Variants in MC2R observed in about 807,000 individuals in gnomAD.
MC2R encodes the protein adrenocorticotropic hormone receptor.
In MC2R, 9 loss-of-function variants were observed where a neutral mutation model predicts 9.8. The ratio of observed to expected loss-of-function variants is 0.92; its 90% CI spans 0.55 to 1.60. MC2R has a LOEUF of 1.60. Ranked by LOEUF, MC2R falls within the 40% of genes most tolerant of loss-of-function variation. The pLI is 0.00. For missense variants in MC2R, 370 were observed against 389.0 expected (o/e 0.95, Z 0.41); for synonymous variants, 185 against 154.7 (o/e 1.20, Z -1.45).
chr18:13,899,071 G>T (rs969906441), intron 1 of MC2R, among the ~76,000 whole-genome samples: 1 of 152,122 alleles, frequency 6.6e-6, no homozygotes, highest in African/African-American at 2.4e-5. Context: ...TTCAGACAGA[G>T]AATTCAAAAC....
At chr18:13,900,600 A>G (rs12454755) in intron 1 of MC2R, among the ~76,000 whole-genome samples, 86,123 of 152,010 alleles carry the variant, frequency 0.57, 25,998 homozygotes, top group African/African-American at 0.79. Context: ...AGCGGGAATA[A>G]CTATACTTAC....
chr18:13,891,989 G>C (rs1228066229), intron 1 of MC2R, among the ~76,000 whole-genome samples: 1 of 152,182 alleles, frequency 6.6e-6, no homozygotes, highest in Non-Finnish European at 1.5e-5. Context: ...TAAAAAATGG[G>C]AAACAGGATG....
intron 1 of MC2R, among the ~76,000 whole-genome samples, chr18:13,904,264 C>T (rs1375818430): frequency 2.0e-5 from 3 of 151,348 alleles, no homozygotes; most frequent in Non-Finnish European, 1.5e-5. Flanking sequence ...ACCTCTAGTC[C>T]CAGCTACTCC....
intron 1 of MC2R, among the ~76,000 whole-genome samples, chr18:13,890,898 C>T (rs2045312182): frequency 6.6e-6 from 1 of 152,122 alleles, no homozygotes; most frequent in Admixed American, 6.5e-5. Flanking sequence ...ATGGGATTAG[C>T]AATGCCTGTC....
At position 13,884,732 on chromosome 18, in the gene MC2R, T is replaced by A; in HGVS notation, c.787A>T (p.Met263Leu). 1 of 1,614,090 alleles carries A rather than the reference T, an allele frequency of 6.2e-7. No homozygotes were observed. The highest frequency in any genetic ancestry group is 8.5e-7 in the Non-Finnish European group (1 of 1,180,026). Residue 263 changes from methionine to leucine, a missense_variant, in exon 2 of 2, where the codon ATG becomes TTG. Physicochemically the swap from Met to Leu is conservative, Grantham distance 15. Transcript: ENST00000327606. ...CYMSLFQVNG[M>L]LIMCNAVIDP... The stretch of plus-strand genomic sequence containing the variant: ...ATGACGGCATTGCACATGATCAACA[T>A]GCCGTTCACCTGGAAGAGAGACATG...
At chr18:13,888,025 A>G (rs906993352) in intron 1 of MC2R, among the ~76,000 whole-genome samples, 1 of 152,192 alleles carries the variant, frequency 6.6e-6, no homozygotes, top group Admixed American at 6.5e-5. Flanking sequence ...CTCTGCTGGG[A>G]CAGATACTCC....
intron 1 of MC2R, among the ~76,000 whole-genome samples, chr18:13,905,684 A>G (rs1189489253): frequency 1.3e-5 from 2 of 152,206 alleles, no homozygotes; most frequent in African/African-American, 4.8e-5. Context: ...GAAAGACAGT[A>G]TGGTGATTCC....
intron 1 of MC2R, among the ~76,000 whole-genome samples, chr18:13,911,013 C>T (rs2045440913): frequency 6.6e-6 from 1 of 152,202 alleles, no homozygotes; most frequent in Non-Finnish European, 1.5e-5. Flanking sequence ...CTCACTTAAT[C>T]CCATGATTTA....
At chr18:13,886,948 C>T (rs970939784) in intron 1 of MC2R, among the ~76,000 whole-genome samples, 3 of 152,122 alleles carry the variant, frequency 2.0e-5, no homozygotes, top group East Asian at 1.9e-4. Flanking sequence ...CCGGTGGATG[C>T]GGAAGGAAGG....
intron 1 of MC2R, among the ~76,000 whole-genome samples, chr18:13,900,755 T>C (rs1024445134): frequency 4.6e-5 from 7 of 151,960 alleles, no homozygotes; most frequent in African/African-American, 1.7e-4. Context: ...TAAAGCAAAT[T>C]TATTAGCACT....
intron 1 of MC2R, among the ~76,000 whole-genome samples, chr18:13,888,174 G>A (rs748528290): frequency 6.6e-6 from 1 of 152,056 alleles, no homozygotes; most frequent in Non-Finnish European, 1.5e-5. Context: ...TGGTTTGGGA[G>A]CCCAGCTTCA....
At chr18:13,896,099 C>CA (rs1283763716) in intron 1 of MC2R, among the ~76,000 whole-genome samples, 1 of 152,082 alleles carries the variant, frequency 6.6e-6, no homozygotes, top group African/African-American at 2.4e-5. Context: ...AGGTCTATGT[C>CA]AAAATGTGAA....
chr18:13,894,322 C>T (rs1598463331), intron 1 of MC2R, among the ~76,000 whole-genome samples: 2 of 152,144 alleles, frequency 1.3e-5, no homozygotes, highest in East Asian at 3.8e-4. Flanking sequence ...GTCTCATATC[C>T]AATTTATCCC....
chr18:13,890,700 G>C (rs1431332262), intron 1 of MC2R, among the ~76,000 whole-genome samples: 1 of 152,146 alleles, frequency 6.6e-6, no homozygotes, highest in Non-Finnish European at 1.5e-5. Flanking sequence ...ACTTATGTCT[G>C]TGTGTCTGTA....
At position 13,882,684 on chromosome 18, in the gene MC2R, AG is replaced by A. The variant is rs2045240112; in HGVS notation, c.*1940del. The A allele has an allele frequency of 6.6e-6, 1 of 152,224 alleles. No homozygotes were observed. Among genetic ancestry groups the A allele is most frequent in the Admixed American group, 6.5e-5 (1 of 15,282 alleles). 9.4% of individuals were successfully genotyped at this position (152,224 alleles called of 1,614,324 possible). ...GCATTGCTTACCTCTGTGGTATCAC[AG>A]AGCATTGCAGCATCAAAAAAAGGTT... On this transcript the variant is annotated 3_prime_UTR_variant, in exon 2 of 2. Transcript: ENST00000327606.
At chr18:13,892,518 A>G (rs1425991453) in intron 1 of MC2R, among the ~76,000 whole-genome samples, 3 of 152,122 alleles carry the variant, frequency 2.0e-5, no homozygotes, top group African/African-American at 7.2e-5. Context: ...AGCCCAGCTC[A>G]CCTTGGCTCA....
At position 13,885,186 on chromosome 18, in the gene MC2R, G is replaced by T; in HGVS notation, c.333C>A (p.Val111=). The change falls in exon 2 of 2, where the codon GTC becomes GTA. Residue 111 remains valine (V), a synonymous_variant. Transcript: ENST00000327606. Reference sequence around the variant, plus strand: ...TGAAGATGGAGCCAAGCAGGGAGAGGACAAACAGGGAGTCGATGATGTCAT... The same window carrying T: ...TGAAGATGGAGCCAAGCAGGGAGAGTACAAACAGGGAGTCGATGATGTCAT... ...TADDIIDSLF[V]LSLLGSIFSL... 1.2e-6 allele frequency: 2 copies of T among 1,614,164 alleles called. No homozygotes were observed. Among genetic ancestry groups the T allele is most frequent in the Non-Finnish European group, 1.7e-6 (2 of 1,180,028 alleles).
At chr18:13,889,994 C>A (rs1037717036) in intron 1 of MC2R, among the ~76,000 whole-genome samples, 2 of 152,184 alleles carry the variant, frequency 1.3e-5, no homozygotes. Flanking sequence ...AATGATTAAT[C>A]TTAGCGCTTC....
Position 13,884,491 on chromosome 18 carries a change from A to G in MC2R, c.*134T>C, listed in dbSNP as rs2045258995. On this transcript the variant is annotated 3_prime_UTR_variant, in exon 2 of 2. Transcript: ENST00000327606. ...ATAGAACCTAGCTATTAGAAACACTAGCTGGTGGGATCATCCTTGCATCCA... is the reference window on the plus strand; with the variant it reads ...ATAGAACCTAGCTATTAGAAACACTGGCTGGTGGGATCATCCTTGCATCCA... 1.0e-6 allele frequency: 1 copy of G among 967,216 alleles called. No homozygotes were observed. 59.9% of individuals were successfully genotyped at this position (967,216 alleles called of 1,614,324 possible). A position where few individuals can be genotyped will look rare whatever the true frequency, so the allele number is the denominator to read the frequency against.
Sources: gnomAD v4.1 joint callset for allele counts (sites outside exome capture counted in the v4.1 genomes callset) on GRCh38, gnomAD v4.1.1 for gene constraint, MANE v1.5 for transcripts, NCBI Gene and HGNC (gene_info 2026-07-23, HGNC 2026-07-21) for gene names.